Variants in ABCG1 observed in about 807,000 individuals in gnomAD.
ABCG1 encodes the protein ATP-binding cassette sub-family G member 1.
A neutral mutation model predicts 69.2 loss-of-function variants in ABCG1; 29 were observed. That is an observed-to-expected ratio of 0.42 (90% CI 0.31 to 0.57). The LOEUF (loss-of-function observed/expected upper bound fraction) is 0.57. Ranked by LOEUF, ABCG1 falls within the 20% of genes least tolerant of loss-of-function variation. ABCG1 has a pLI of 0.15. For synonymous variants in ABCG1, 370 were observed against 374.8 expected, an observed-to-expected ratio of 0.99 and a Z score of 0.15; for missense variants, 718 against 898.1, an observed-to-expected ratio of 0.80 and a Z score of 2.56.
rs141860515 is a variant in ABCG1 at position 42,201,651 on chromosome 21, G to A, written c.-25G>A. ...TGCTCAGCAGACATCAGGGATCACCGACTCTGTGCCAGGAGCTGTTCTTGA... is the reference window on the plus strand; with the variant it reads ...TGCTCAGCAGACATCAGGGATCACCAACTCTGTGCCAGGAGCTGTTCTTGA... On this transcript the variant is annotated 5_prime_UTR_variant, in exon 2 of 16. Coordinates refer to the ABCG1 transcript ENST00000398457. 326 of 1,602,928 alleles carry A rather than the reference G, an allele frequency of 2.0e-4. 1 individual carries two copies. The African/African-American group carries it at 3.4e-3, about 17-fold the overall frequency.
chr21:42,261,457 G>A (rs779523449), intron 2 of ABCG1, among the ~76,000 whole-genome samples: 2 of 152,144 alleles, frequency 1.3e-5, no homozygotes, highest in African/African-American at 2.4e-5. Flanking sequence ...AGACAAGCAG[G>A]ATAGCAAACT....
chr21:42,201,803 G>A lies in ABCG1; in HGVS notation c.48+80G>A, dbSNP rs1187973859. Reference sequence around the variant, plus strand: ...GGGCTTGTTTCAACTCGTTCCGTGGGCCTGATGTAGTCTAGAGATGATTCT... The same window carrying A: ...GGGCTTGTTTCAACTCGTTCCGTGGACCTGATGTAGTCTAGAGATGATTCT... On this transcript the variant is annotated intron_variant, in intron 2 of 15. Transcript: ENST00000398457. 8 of 1,605,518 alleles carry A rather than the reference G, an allele frequency of 5.0e-6. No individual in the cohort carries two copies. In the African/African-American group the frequency reaches 8.0e-5, roughly 16 times the overall value.
chr21:42,291,388 G>T lies in ABCG1; in HGVS notation c.1495-110G>T. The T allele has an allele frequency of 6.9e-7, 1 of 1,458,234 alleles. No homozygotes were observed. The highest frequency in any genetic ancestry group is 9.3e-7 in the Non-Finnish European group (1 of 1,071,256). The allele number at this position is 1,458,234 out of a possible 1,614,324, so 90.3% of individuals were successfully genotyped here. The stretch of plus-strand genomic sequence containing the variant: ...GGGGAGTGGGGAAGGACCCGACTTT[G>T]GGAGCTCTGGCGGGAGCTGCGGGGA... On this transcript the variant is annotated intron_variant, in intron 12 of 14. Coordinates refer to ENST00000398449, the MANE Select transcript of ABCG1 (RefSeq NM_016818.3). The surrounding 1 kb of genome is among the most constrained non-coding windows in gnomAD (Gnocchi z 6.4).
chr21:42,268,441 C>T (rs1018652943), intron 2 of ABCG1, among the ~76,000 whole-genome samples: 1 of 151,844 alleles, frequency 6.6e-6, no homozygotes, highest in Non-Finnish European at 1.5e-5. Context: ...AAGCCTCTGG[C>T]TGGTGTTTCC....
intron 2 of ABCG1, among the ~76,000 whole-genome samples, chr21:42,248,902 CAAAAA>C (rs71332356): frequency 1.1e-5 from 1 of 91,078 alleles, no homozygotes. Context: ...AGACCTCTCT[CAAAAA>C]AAAAAAAAAA....
chr21:42,283,236 G>C (rs887087443), intron 6 of ABCG1, among the ~76,000 whole-genome samples: 1 of 152,192 alleles, frequency 6.6e-6, no homozygotes, highest in African/African-American at 2.4e-5. Flanking sequence ...GGGCTCACTT[G>C]TTTCCTTCTC....
At chr21:42,230,256 A>G (rs1020532119) in intron 2 of ABCG1, among the ~76,000 whole-genome samples, 1 of 152,378 alleles carries the variant, frequency 6.6e-6, no homozygotes, top group Admixed American at 6.5e-5. Flanking sequence ...AAACTAGATC[A>G]TATAATAGAT....
chr21:42,271,198 C>T lies in ABCG1; in HGVS notation c.404+11C>T, dbSNP rs762743968. ...CCTGGCTGGATACAGGTGAGCAGCC[C>T]TGCCCAGGGCGCAAAGTTCTCTCCC... On this transcript the variant is annotated intron_variant, in intron 3 of 14. Coordinates refer to ENST00000398449, the MANE Select transcript of ABCG1 (RefSeq NM_016818.3). 5 of 1,504,768 alleles carry T rather than the reference C, an allele frequency of 3.3e-6. No individual in the cohort carries two copies. In the African/African-American group the frequency reaches 7.1e-5, roughly 21 times the overall value. 93.2% of individuals were successfully genotyped at this position (1,504,768 alleles called of 1,614,324 possible). A position where few individuals can be genotyped will look rare whatever the true frequency, so the allele number is the denominator to read the frequency against.
At chr21:42,218,926 C>T (rs1039915277), upstream of ABCG1, among the ~76,000 whole-genome samples, 24 of 152,170 alleles carry the variant, frequency 1.6e-4, no homozygotes, top group Non-Finnish European at 3.4e-4. Context: ...CCCGGGGTTT[C>T]CGGGGTGGCA....
At chr21:42,248,321 G>C (rs2068164105) in intron 2 of ABCG1, among the ~76,000 whole-genome samples, 1 of 152,164 alleles carries the variant, frequency 6.6e-6, no homozygotes, top group Non-Finnish European at 1.5e-5. Flanking sequence ...CAGGACTCCT[G>C]GGACCTGTCC....
chr21:42,283,660 ACCCAAATGAGTGGGGAAC>A (rs2068857999), intron 6 of ABCG1, among the ~76,000 whole-genome samples: 1 of 117,346 alleles, frequency 8.5e-6, no homozygotes, highest in African/African-American at 2.9e-5. Flanking sequence ...GTCCCCCCCC[ACCCAAATGAGTGGGGAAC>A]CCCCACCTCT....
rs540769560 is a variant in ABCG1 at position 42,254,597 on chromosome 21, G to A, written c.287-16473G>A. Among the ~76,000 whole-genome samples, 9 of 152,342 alleles carry A rather than the reference G, an allele frequency of 5.9e-5. No individual in the cohort carries two copies. The East Asian group carries it at 1.7e-3, about 29-fold the overall frequency. On this transcript the variant is annotated intron_variant, in intron 2 of 14. Coordinates refer to ENST00000398449, the MANE Select transcript of ABCG1 (RefSeq NM_016818.3). ...GTTTCAGAAGGTGCAAAAAGCAAGAGGATTGATCAGCGCGTGGCTTTGCCA... is the reference window on the plus strand; with the variant it reads ...GTTTCAGAAGGTGCAAAAAGCAAGAAGATTGATCAGCGCGTGGCTTTGCCA...
chr21:42,261,213 C>G (rs571906354), intron 2 of ABCG1, among the ~76,000 whole-genome samples: 3 of 151,926 alleles, frequency 2.0e-5, no homozygotes, highest in East Asian at 1.9e-4. Flanking sequence ...ACCACCCCCC[C>G]TCTCCCGCCC....
intron 2 of ABCG1, among the ~76,000 whole-genome samples, chr21:42,265,567 C>G (rs937545061): frequency 6.6e-6 from 1 of 152,178 alleles, no homozygotes; most frequent in African/African-American, 2.4e-5. Flanking sequence ...CTGGCAGAGA[C>G]AGGGGAGGTC....
At chr21:42,220,135 A>G in intron 1 of ABCG1, 1 of 1,208,394 alleles carries the variant, frequency 8.3e-7, no homozygotes, top group Non-Finnish European at 1.2e-6. Context: ...TCAGGCCCCC[A>G]GCCACCCACC....
At position 42,291,978 on chromosome 21, in the gene ABCG1, G is replaced by C. The variant is rs1226698919; in HGVS notation, c.1653+322G>C. Among the ~76,000 whole-genome samples, 1 of 152,140 alleles carries C rather than the reference G, an allele frequency of 6.6e-6. No homozygotes were observed. The highest frequency in any genetic ancestry group is 1.5e-5 in the Non-Finnish European group (1 of 68,004). ...CCATTTTACATAGGGGAGCACTGAG[G>C]CCCAGAGAGGCAAAGTGATTTGTCA... On this transcript the variant is annotated intron_variant, in intron 13 of 14. Transcript: ENST00000398449. The surrounding 1 kb of genome is among the most constrained non-coding windows in gnomAD (Gnocchi z 6.4).
Position 42,273,347 on chromosome 21 carries a change from G to A in ABCG1, c.449G>A (p.Arg150Gln), listed in dbSNP as rs567481630. Residue 150 changes from arginine to glutamine, a missense_variant, in exon 4 of 15, where the codon CGG becomes CAG. Arg to Gln is a conservative substitution (Grantham distance 43). This residue lies in a region of ABCG1 where 514 missense variants were observed against 574.3 expected (regional missense o/e 0.90). Coordinates refer to ENST00000398449, the MANE Select transcript of ABCG1 (RefSeq NM_016818.3). This position sits in a 1 kb window ranked among gnomAD's most constrained non-coding sequence, Gnocchi z 5.3. ...GCCGTCCTCATCAACGGCCTGCCCCGGGACCTGCGCTGCTTCCGGAAGGTG... is the reference window on the plus strand; with the variant it reads ...GCCGTCCTCATCAACGGCCTGCCCCAGGACCTGCGCTGCTTCCGGAAGGTG... ...KGAVLINGLP[R>Q]DLRCFRKVSC... 5 of 1,613,810 alleles carry A rather than the reference G, an allele frequency of 3.1e-6. No homozygotes were observed. Among genetic ancestry groups the A allele is most frequent in the Non-Finnish European group, 4.2e-6 (5 of 1,179,970 alleles).
intron 13 of ABCG1, among the ~76,000 whole-genome samples, chr21:42,293,639 CCA>C (rs1273247076): frequency 9.0e-5 from 13 of 145,148 alleles, no homozygotes; most frequent in Non-Finnish European, 1.8e-4. Flanking sequence ...CACACACACA[CCA>C]CACACACTAC....
chr21:42,283,365 G>A (rs1210153081), intron 6 of ABCG1, among the ~76,000 whole-genome samples: 1 of 152,184 alleles, frequency 6.6e-6, no homozygotes, highest in African/African-American at 2.4e-5. Flanking sequence ...GGCTCCGGGG[G>A]ACTGCCCAAC....
Sources: allele counts gnomAD v4.1 joint callset (sites outside exome capture counted in the v4.1 genomes callset), GRCh38; gene constraint gnomAD v4.1.1; regional missense constraint gnomAD v4.1.1; non-coding constraint Gnocchi (gnomAD v3.1); transcripts MANE v1.5; gene names NCBI Gene and HGNC (gene_info 2026-07-23, HGNC 2026-07-21).